The following MPPED2 variants were observed in gnomAD, a reference collection of about 807,000 sequenced individuals.
MPPED2 encodes metallophosphoesterase domain containing 2, also known as metallophosphoesterase MPPED2.
A neutral mutation model predicts 33.0 loss-of-function variants in MPPED2; 5 were observed. That is an observed-to-expected ratio of 0.15 (90% CI 0.08 to 0.32). MPPED2 has a LOEUF of 0.32. Ranked by LOEUF, MPPED2 falls within the 10% of genes least tolerant of loss-of-function variation. The pLI is 1.00. For synonymous variants in MPPED2, 136 were observed against 141.9 expected (o/e 0.96, Z 0.29); for missense variants, 275 against 372.1 (o/e 0.74, Z 2.15).
At position 30,434,287 on chromosome 11, in the gene MPPED2, G is replaced by A. The variant is rs571679795; in HGVS notation, c.537-16654C>T. Among the ~76,000 whole-genome samples, 74 of 152,278 alleles carry A rather than the reference G, an allele frequency of 4.9e-4. 1 individual carries two copies. The South Asian group carries it at 0.015, about 31-fold the overall frequency. The stretch of plus-strand genomic sequence containing the variant: ...GATGAGCTGAAGAGGAGGTGGGCAG[G>A]GATCCAGAATTCGCAGGGGAAGGGG... On this transcript the variant is annotated intron_variant, in intron 4 of 6. Transcript: ENST00000358117.
intron 4 of MPPED2, among the ~76,000 whole-genome samples, chr11:30,476,589 C>T (rs1285319614): frequency 6.6e-6 from 1 of 151,922 alleles, no homozygotes. Flanking sequence ...ATTTACTTTT[C>T]TTTGACATTG....
rs1283356636 is a variant in MPPED2, at chr11:30,451,651, T to C, written c.537-34018A>G. On this transcript the variant is annotated intron_variant, in intron 4 of 6. Transcript: ENST00000358117. ...ATTTTAATGATAAAAGAAGCCTGTA[T>C]TTCAAATGTTCACTTAACTTTTACT... The C allele has an allele frequency of 5.4e-6, 5 of 925,840 alleles. No homozygotes were observed. The African/African-American group carries it at 9.0e-5, about 17-fold the overall frequency. The allele number at this position is 925,840 out of a possible 1,614,324, so 57.4% of individuals were successfully genotyped here. A position where few individuals can be genotyped will look rare whatever the true frequency, so the allele number is the denominator to read the frequency against.
At chr11:30,503,218 G>A (rs868750324) in intron 3 of MPPED2, among the ~76,000 whole-genome samples, 3 of 152,000 alleles carry the variant, frequency 2.0e-5, no homozygotes, top group Non-Finnish European at 4.4e-5. Flanking sequence ...GCTTGCTGCC[G>A]CCATGTGAAG....
At chr11:30,505,495 C>T (rs116302624) in intron 3 of MPPED2, among the ~76,000 whole-genome samples, 3 of 152,140 alleles carry the variant, frequency 2.0e-5, no homozygotes, top group African/African-American at 7.2e-5. Context: ...CCAGTATTGC[C>T]ATCTGGCTGG....
chr11:30,480,104 A>T (rs1951412062), intron 4 of MPPED2, among the ~76,000 whole-genome samples: 1 of 152,104 alleles, frequency 6.6e-6, no homozygotes, highest in African/African-American at 2.4e-5. Context: ...GGCTGGACAA[A>T]ACAGCGCCTA....
chr11:30,468,130 CTAAG>C (rs1436297740), intron 4 of MPPED2, among the ~76,000 whole-genome samples: 3 of 152,150 alleles, frequency 2.0e-5, no homozygotes, highest in Non-Finnish European at 2.9e-5. Context: ...CTAATATTTA[CTAAG>C]TATTTCTCTA....
intron 4 of MPPED2, among the ~76,000 whole-genome samples, chr11:30,470,763 C>T (rs927309197): frequency 6.6e-6 from 1 of 152,274 alleles, no homozygotes; most frequent in African/African-American, 2.4e-5. Flanking sequence ...CTTCCAGACT[C>T]ATGTTGCTAC....
chr11:30,385,711 G>A (rs1036910334), exon 7 of MPPED2: 1 of 151,966 alleles, frequency 6.6e-6, no homozygotes, highest in Non-Finnish European at 1.5e-5. Context: ...TGGCCTTTTT[G>A]CTACCTTCTT....
intron 4 of MPPED2, among the ~76,000 whole-genome samples, chr11:30,470,565 A>C (rs10835670): frequency 0.15 from 22,243 of 152,148 alleles, 1,811 homozygotes; most frequent in African/African-American, 0.22. Flanking sequence ...AAGAACCACT[A>C]AATTATACAC....
At chr11:30,504,735 C>G in intron 3 of MPPED2, 2 of 1,274,840 alleles carry the variant, frequency 1.6e-6, no homozygotes, top group Admixed American at 2.3e-5. Flanking sequence ...TTAATACTCA[C>G]ACTTGCTGAT....
At chr11:30,499,796 A>G (rs531751853) in intron 3 of MPPED2, among the ~76,000 whole-genome samples, 3 of 152,310 alleles carry the variant, frequency 2.0e-5, no homozygotes, top group Admixed American at 6.5e-5. Flanking sequence ...GGTGGGACCA[A>G]TTCAGCCCTC....
intron 2 of MPPED2, among the ~76,000 whole-genome samples, chr11:30,573,164 G>A (rs1167759097): frequency 6.6e-6 from 1 of 152,136 alleles, no homozygotes; most frequent in Non-Finnish European, 1.5e-5. Context: ...CATATATGAA[G>A]GTGGTACCAT....
chr11:30,411,629 G>A (rs373063063), intron 6 of MPPED2, 43 bp from the exon 7 acceptor site: 64 of 1,540,942 alleles, frequency 4.2e-5, no homozygotes, highest in Admixed American at 1.4e-4. Context: ...ATATACAAAT[G>A]AGAGTGATGG....
downstream of MPPED2, chr11:30,410,005 G>C: frequency 1.4e-6 from 1 of 705,148 alleles, no homozygotes; most frequent in Non-Finnish European, 1.7e-6. Context: ...AGGCAAGACA[G>C]ATGACAGCAT....
chr11:30,501,073 C>T (rs1952538053), intron 3 of MPPED2, among the ~76,000 whole-genome samples: 1 of 152,180 alleles, frequency 6.6e-6, no homozygotes. Flanking sequence ...TAAAATACTG[C>T]TTCTAAAGTA....
intron 4 of MPPED2, among the ~76,000 whole-genome samples, chr11:30,438,003 T>A (rs147759201): frequency 2.8e-3 from 422 of 152,264 alleles, no homozygotes; most frequent in Admixed American, 4.2e-3. Flanking sequence ...GGCCTCAGTT[T>A]CCTAATCTGC....
At chr11:30,391,288 C>T (rs1947771655) in intron 6 of MPPED2, among the ~76,000 whole-genome samples, 1 of 152,236 alleles carries the variant, frequency 6.6e-6, no homozygotes, top group South Asian at 2.1e-4. Flanking sequence ...GCTAATTGCT[C>T]TTTGGTGTGG....
intron 3 of MPPED2, among the ~76,000 whole-genome samples, chr11:30,496,395 C>A (rs1952255051): frequency 6.6e-6 from 1 of 152,198 alleles, no homozygotes; most frequent in Non-Finnish European, 1.5e-5. Context: ...TGCCGGGCAG[C>A]TGTCCCCACC....
intron 6 of MPPED2, among the ~76,000 whole-genome samples, chr11:30,398,751 T>G (rs1212397048): frequency 6.6e-6 from 1 of 152,078 alleles, no homozygotes; most frequent in Non-Finnish European, 1.5e-5. Flanking sequence ...AGAAAAAAAC[T>G]CTCTGGAAGT....
Sources: gnomAD v4.1 joint callset for allele counts (sites outside exome capture counted in the v4.1 genomes callset) on GRCh38, gnomAD v4.1.1 for gene constraint, MANE v1.5 for transcripts, NCBI Gene and HGNC (gene_info 2026-07-23, HGNC 2026-07-21) for gene names.